ZC3H7A: variants seen among roughly 807,000 people sequenced by gnomAD.
ZC3H7A encodes the protein zinc finger CCCH-type containing 7A, also known as zinc finger CCCH domain-containing protein 7A.
Under a neutral mutation model 125.5 loss-of-function variants are expected in ZC3H7A, and 44 were observed. That is an observed-to-expected ratio of 0.35 (90% CI 0.28 to 0.45). The LOEUF is 0.45. Among genes scored for constraint, ZC3H7A ranks in the 20% least tolerant of loss-of-function variants. ZC3H7A has a pLI of 1.00. For missense variants in ZC3H7A, 977 were observed against 1,170.7 expected, an observed-to-expected ratio of 0.83 and a Z score of 2.41; for synonymous variants, 399 against 391.2, an observed-to-expected ratio of 1.02 and a Z score of -0.23.
chr16:11,760,122 G>GAAAAAAAAAAGA (rs2052722626), intron 19 of ZC3H7A, among the ~76,000 whole-genome samples: 1 of 82,532 alleles, frequency 1.2e-5, no homozygotes, highest in Non-Finnish European at 2.1e-5. Context: ...AAGAAAAAAT[G>GAAAAAAAAAAGA]AAAAAAAAAA....
Position 11,776,897 on chromosome 16 carries a change from T to C in ZC3H7A, c.319A>G (p.Lys107Glu). Residue 107 changes from lysine to glutamate, a missense_variant, in exon 5 of 23, where the codon AAA (lysine) becomes GAA (glutamate). Transcript: ENST00000355758. Reference protein sequence around the residue: ...ACYSNMGFHDKVLEDCNIVLS... With the variant: ...ACYSNMGFHDEVLEDCNIVLS... ...ACTATATTGCAGTCCTCCAAAACTTTATCATGGAAACCCTGGTGTGTAAGA... is the reference window on the plus strand; with the variant it reads ...ACTATATTGCAGTCCTCCAAAACTTCATCATGGAAACCCTGGTGTGTAAGA... 1 of 1,598,130 alleles carries C rather than the reference T, an allele frequency of 6.3e-7. No individual in the cohort carries two copies. Among genetic ancestry groups the C allele is most frequent in the Non-Finnish European group, 8.5e-7 (1 of 1,174,994 alleles).
At chr16:11,781,554 A>T in intron 2 of ZC3H7A, 90 bp from the exon 3 acceptor site, 1 of 1,341,338 alleles carries the variant, frequency 7.5e-7, no homozygotes, top group Admixed American at 1.7e-5. Context: ...TGGTTCCATT[A>T]GCTTGCCACT....
At chr16:11,766,364 A>G (rs185449936) in intron 13 of ZC3H7A, among the ~76,000 whole-genome samples, 73 of 152,340 alleles carry the variant, frequency 4.8e-4, no homozygotes, top group African/African-American at 1.7e-3. Context: ...CAGGACTTCA[A>G]AACGAGCCTA....
At chr16:11,790,429 T>A (rs1264667331) in intron 1 of ZC3H7A, among the ~76,000 whole-genome samples, 1 of 152,244 alleles carries the variant, frequency 6.6e-6, no homozygotes, top group African/African-American at 2.4e-5. Context: ...ATGGAAGCTC[T>A]TTATATGTTG....
intron 20 of ZC3H7A, among the ~76,000 whole-genome samples, chr16:11,757,484 A>G: frequency 1.2e-5 from 1 of 80,436 alleles, no homozygotes; most frequent in Non-Finnish European, 2.3e-5. Context: ...ACTCTGTCTC[A>G]AAAAAAAAAA....
In ZC3H7A at chr16:11,762,716, A is replaced by G. The variant is rs201245405; in HGVS notation, c.2034T>C (p.Ser678=). 38 of 1,613,908 alleles carry G rather than the reference A, an allele frequency of 2.4e-5. No homozygotes were observed. Among genetic ancestry groups the G allele is most frequent in the Non-Finnish European group, 3.1e-5 (36 of 1,180,030 alleles). Residue 678 remains serine (S), a synonymous_variant, in exon 17 of 23, where the codon TCT becomes TCC. Coordinates refer to ENST00000355758, the MANE Select transcript of ZC3H7A (RefSeq NM_014153.4). Reference sequence around the variant, plus strand: ...CTTCCAAATTCTGCCAATATCGTTTAGACTCTTGAGCAATAGCATCATGTG... The same window carrying G: ...CTTCCAAATTCTGCCAATATCGTTTGGACTCTTGAGCAATAGCATCATGTG... ...GISHDAIAQE[S]KRYWQNLEAN...
At position 11,774,365 on chromosome 16, in the gene ZC3H7A, T is replaced by A; in HGVS notation, c.774A>T (p.Ala258=). 6.2e-7 allele frequency: 1 copy of A among 1,614,118 alleles called. No individual in the cohort carries two copies. Among genetic ancestry groups the A allele is most frequent in the Non-Finnish European group, 8.5e-7 (1 of 1,179,978 alleles). Residue 258 remains alanine, a synonymous_variant, in exon 9 of 23, where the codon GCA becomes GCT. Coordinates refer to ENST00000355758, the MANE Select transcript of ZC3H7A (RefSeq NM_014153.4). Reference sequence around the variant, plus strand: ...GCATCTTTCCTCCATTTGCCAGCACTGCAGATGGCAGAGCGCTCTCTTCCA... The same window carrying A: ...GCATCTTTCCTCCATTTGCCAGCACAGCAGATGGCAGAGCGCTCTCTTCCA... ...LQVEESALPS[A]VLANGGKMPF...
intron 17 of ZC3H7A, 57 bp downstream of exon 17, chr16:11,762,614 C>G: frequency 1.3e-6 from 2 of 1,527,010 alleles, no homozygotes; most frequent in East Asian, 2.3e-5. Context: ...CAACCAACAT[C>G]TATTACGCAA....
chr16:11,781,651 C>CATATAT (rs3972315), intron 2 of ZC3H7A, among the ~76,000 whole-genome samples, 187 bp from the exon 3 acceptor site: 1,636 of 144,988 alleles, frequency 0.011, 26 homozygotes, highest in African/African-American at 0.036. Context: ...AATACATATA[C>CATATAT]ATATATATAT....
intron 22 of ZC3H7A, 28 bp from the exon 23 acceptor site, chr16:11,751,534 TC>T: frequency 6.3e-7 from 1 of 1,582,292 alleles, no homozygotes; most frequent in Non-Finnish European, 8.6e-7. Context: ...CTGCTCAGTG[TC>T]CATATAAGTT....
chr16:11,776,229 A>C (rs1007156883), intron 7 of ZC3H7A, 91 bp downstream of exon 7: 1 of 1,341,532 alleles, frequency 7.5e-7, no homozygotes, highest in Non-Finnish European at 1.0e-6. Context: ...AGGTTCCAAA[A>C]ATAAACACAC....
intron 2 of ZC3H7A, among the ~76,000 whole-genome samples, 177 bp from the exon 3 acceptor site, chr16:11,781,641 A>AATACAT (rs2053174700): frequency 9.2e-6 from 1 of 108,566 alleles, no homozygotes; most frequent in Non-Finnish European, 1.7e-5. Context: ...TGGGAAAAAA[A>AATACAT]ATACATATAC....
chr16:11,760,122 G>GAAAAAAAAAAAAAAAAA (rs66812605), intron 19 of ZC3H7A, among the ~76,000 whole-genome samples: 55 of 82,532 alleles, frequency 6.7e-4, no homozygotes, highest in Admixed American at 1.2e-3. Flanking sequence ...AAGAAAAAAT[G>GAAAAAAAAAAAAAAAAA]AAAAAAAAAA....
At chr16:11,769,156 G>A (rs1161528788) in intron 10 of ZC3H7A, 61 bp from the exon 11 acceptor site, 1 of 1,423,956 alleles carries the variant, frequency 7.0e-7, no homozygotes, top group Non-Finnish European at 9.6e-7. Context: ...AAGAACATCA[G>A]GGCTTAGTAG....
At chr16:11,794,188 C>T (rs997417591) in intron 1 of ZC3H7A, among the ~76,000 whole-genome samples, 4 of 152,178 alleles carry the variant, frequency 2.6e-5, no homozygotes, top group African/African-American at 9.6e-5. Flanking sequence ...GACCGCCAGC[C>T]GATGAAGTCT....
At chr16:11,762,574 T>A (rs1333123760) in intron 17 of ZC3H7A, 97 bp downstream of exon 17, 1 of 1,104,980 alleles carries the variant, frequency 9.0e-7, no homozygotes, top group East Asian at 2.5e-5. Flanking sequence ...AGAAAGTAAC[T>A]GGACTGTAAG....
chr16:11,751,903 C>CTTTTTTTT (rs34041916), intron 22 of ZC3H7A, among the ~76,000 whole-genome samples: 1 of 128,934 alleles, frequency 7.8e-6, no homozygotes, highest in East Asian at 2.2e-4. Flanking sequence ...ACTGAAAAAC[C>CTTTTTTTT]TTTTTTTTTT....
chr16:11,757,200 C>G (rs2052664163), intron 20 of ZC3H7A, among the ~76,000 whole-genome samples: 1 of 151,942 alleles, frequency 6.6e-6, no homozygotes, highest in African/African-American at 2.4e-5. Flanking sequence ...AAAATTTGTT[C>G]CCAGCCGGGC....
chr16:11,771,398 A>G (rs2052979063), intron 9 of ZC3H7A, among the ~76,000 whole-genome samples: 1 of 151,260 alleles, frequency 6.6e-6, no homozygotes, highest in South Asian at 2.1e-4. Flanking sequence ...CAAAAAAATA[A>G]AAAAAAAAAC....
Sources: gnomAD v4.1 joint callset for allele counts (sites outside exome capture counted in the v4.1 genomes callset) on GRCh38, gnomAD v4.1.1 for gene constraint, MANE v1.5 for transcripts, NCBI Gene and HGNC (gene_info 2026-07-23, HGNC 2026-07-21) for gene names.